The following ATP11A variants were observed in gnomAD, a reference collection of about 807,000 sequenced individuals.
The protein encoded by ATP11A is phospholipid-transporting ATPase IH.
ATP11A carries 81 observed loss-of-function variants against 154.4 expected under a neutral mutation model. That is an observed-to-expected ratio of 0.52 (90% CI 0.44 to 0.63). ATP11A has a LOEUF of 0.63. Among genes scored for constraint, ATP11A ranks in the 30% least tolerant of loss-of-function variants. The pLI, the probability that ATP11A is intolerant of heterozygous loss-of-function variation, is 0.00. For missense variants in ATP11A, 1,316 were observed against 1,474.3 expected, an observed-to-expected ratio of 0.89 and a Z score of 1.76; for synonymous variants, 623 against 585.9, an observed-to-expected ratio of 1.06 and a Z score of -0.91.
intron 16 of ATP11A, 54 bp from the exon 17 acceptor site, chr13:112,842,219 AAAT>A: frequency 2.2e-6 from 3 of 1,367,098 alleles, no homozygotes; most frequent in Non-Finnish European, 3.1e-6. Context: ...TAATTTTAAA[AAAT>A]AATCTAGTCT....
intron 27 of ATP11A, among the ~76,000 whole-genome samples, chr13:112,874,750 GTCAGGCACCCTGT>G: frequency 6.6e-6 from 1 of 152,250 alleles, no homozygotes; most frequent in Non-Finnish European, 1.5e-5. Flanking sequence ...CTTGGAGGGT[GTCAGGCACCCTGT>G]CAGCCCCAGA....
chr13:112,725,188 G>T (rs1387745321), intron 1 of ATP11A, among the ~76,000 whole-genome samples: 1 of 152,200 alleles, frequency 6.6e-6, no homozygotes, highest in African/African-American at 2.4e-5. Flanking sequence ...GCTGACTCAG[G>T]CTCGGGCTGG....
chr13:112,820,080 C>A, intron 8 of ATP11A, 130 bp downstream of exon 8: 2 of 867,100 alleles, frequency 2.3e-6, no homozygotes, highest in Non-Finnish European at 3.4e-6. Flanking sequence ...CGCTTTCCCA[C>A]AGGGCCGGGC....
At chr13:112,728,419 G>C (rs1052342304) in intron 1 of ATP11A, among the ~76,000 whole-genome samples, 1 of 149,358 alleles carries the variant, frequency 6.7e-6, no homozygotes, top group Non-Finnish European at 1.5e-5. Context: ...TGTGTTACCT[G>C]TATGTACCAC....
At chr13:112,699,224 T>C (rs1380102857) in intron 1 of ATP11A, among the ~76,000 whole-genome samples, 1 of 152,260 alleles carries the variant, frequency 6.6e-6, no homozygotes, top group Non-Finnish European at 1.5e-5. Flanking sequence ...TCAGATGAGT[T>C]ATTCTCAAGG....
intron 1 of ATP11A, among the ~76,000 whole-genome samples, chr13:112,748,661 C>T (rs188162887): frequency 3.6e-4 from 55 of 152,274 alleles, no homozygotes; most frequent in Admixed American, 3.1e-3. Flanking sequence ...CCACCACGCC[C>T]GGCCTGAATG....
chr13:112,870,544 A>G (rs1421456746), intron 25 of ATP11A, among the ~76,000 whole-genome samples: 1 of 151,912 alleles, frequency 6.6e-6, no homozygotes, highest in African/African-American at 2.4e-5. Context: ...ACGCCCGGCT[A>G]ATGTTTGTAT....
intron 29 of ATP11A, 130 bp downstream of exon 29, chr13:112,878,433 C>T (rs996074109): frequency 3.9e-5 from 36 of 924,504 alleles, no homozygotes; most frequent in African/African-American, 1.6e-4. Flanking sequence ...AGCAGCCTCA[C>T]GTCGGGAAGT....
intron 5 of ATP11A, among the ~76,000 whole-genome samples, chr13:112,811,287 C>T (rs1468710858): frequency 6.6e-6 from 1 of 151,574 alleles, no homozygotes; most frequent in Non-Finnish European, 1.5e-5. Context: ...CACACACCCT[C>T]CCTCTGCCGG....
chr13:112,730,482 G>A (rs775012533), intron 1 of ATP11A, among the ~76,000 whole-genome samples: 1 of 152,188 alleles, frequency 6.6e-6, no homozygotes, highest in Non-Finnish European at 1.5e-5. Context: ...CTGCTGATGC[G>A]TGAATAACTC....
At chr13:112,836,800 T>A (rs1594127605) in intron 16 of ATP11A, among the ~76,000 whole-genome samples, 1 of 152,254 alleles carries the variant, frequency 6.6e-6, no homozygotes, top group Non-Finnish European at 1.5e-5. Context: ...GTCAGAGCCC[T>A]GTGGCCGCCA....
At chr13:112,845,726 A>C (rs1383179444) in intron 17 of ATP11A, among the ~76,000 whole-genome samples, 1 of 123,626 alleles carries the variant, frequency 8.1e-6, no homozygotes, top group African/African-American at 3.8e-5. Context: ...TAACCAGTCC[A>C]GTTACCAGGC....
chr13:112,753,235 G>T lies in ATP11A; in HGVS notation c.40-31900G>T, dbSNP rs183891027. 2.3e-3 allele frequency among the ~76,000 whole-genome samples: 350 copies of T among 152,196 alleles called. 1 individual carries two copies. Among genetic ancestry groups the T allele is most frequent in the Non-Finnish European group, 4.1e-3 (276 of 68,006 alleles). On this transcript the variant is annotated intron_variant, in intron 1 of 29. Transcript: ENST00000375645. The surrounding 1 kb of genome is among the most constrained non-coding windows in gnomAD (Gnocchi z 4.1). ...TTCCCCTGTGGACTCAACCTCCCCC[G>T]CCCCTGGCCGCCCCACATCATGGAC...
At chr13:112,722,779 G>A (rs947188723) in intron 1 of ATP11A, among the ~76,000 whole-genome samples, 1 of 152,250 alleles carries the variant, frequency 6.6e-6, no homozygotes, top group Non-Finnish European at 1.5e-5. Flanking sequence ...CATCGAGGAA[G>A]TGGTCCAAGG....
At chr13:112,694,055 A>G (rs547323082) in intron 1 of ATP11A, among the ~76,000 whole-genome samples, 39 of 152,184 alleles carry the variant, frequency 2.6e-4, no homozygotes, top group Non-Finnish European at 5.1e-4. Context: ...TTAAGTTCCG[A>G]GAGGAACCAG....
Position 112,882,327 on chromosome 13 carries a change from C to T in ATP11A, c.*461C>T, listed in dbSNP as rs2080905485. ...ACCCACCTGCCATCATTGGCCTTTGCTGTCACTGGGAGAGAAGAGCCGTCC... is the reference window on the plus strand; with the variant it reads ...ACCCACCTGCCATCATTGGCCTTTGTTGTCACTGGGAGAGAAGAGCCGTCC... On this transcript the variant is annotated 3_prime_UTR_variant, in exon 30 of 30. Transcript: ENST00000375645. The surrounding 1 kb of genome is among the most constrained non-coding windows in gnomAD (Gnocchi z 5.1). 7.9e-6 allele frequency: 3 copies of T among 380,832 alleles called. No individual in the cohort carries two copies. Among genetic ancestry groups the T allele is most frequent in the Non-Finnish European group, 1.5e-5 (3 of 203,832 alleles). The allele number at this position is 380,832 out of a possible 1,614,324, so 23.6% of individuals were successfully genotyped here. A position where few individuals can be genotyped will look rare whatever the true frequency, so the allele number is the denominator to read the frequency against.
intron 8 of ATP11A, among the ~76,000 whole-genome samples, chr13:112,822,491 G>A (rs2078824334): frequency 6.6e-6 from 1 of 152,126 alleles, no homozygotes; most frequent in Non-Finnish European, 1.5e-5. Flanking sequence ...GCTTTGCAGT[G>A]TGGCTACCAG....
chr13:112,875,904 G>T lies in ATP11A; in HGVS notation c.3290G>T (p.Cys1097Phe). The T allele has an allele frequency of 1.2e-6, 2 of 1,613,098 alleles. No individual in the cohort carries two copies. The highest frequency in any genetic ancestry group is 8.5e-7 in the Non-Finnish European group (1 of 1,180,040). ...CCCGACGTCCTCAAGAAAGTCCTGT[G>T]CCGGCAGCTGTGGCCAACAGCAACA... ...LLPDVLKKVL[C>F]RQLWPTATER... The change falls in exon 28 of 30, where the codon TGC becomes TTC. Residue 1097 changes from cysteine to phenylalanine, a missense_variant. Cys to Phe is a radical substitution (Grantham distance 205). Transcript: ENST00000375645. The surrounding 1 kb of genome is among the most constrained non-coding windows in gnomAD (Gnocchi z 4.1).
At position 112,870,667 on chromosome 13, in the gene ATP11A, A is replaced by G. The variant is rs566539410; in HGVS notation, c.2992-1068A>G. On this transcript the variant is annotated intron_variant, in intron 25 of 29. Transcript: ENST00000375645. Reference sequence around the variant, plus strand: ...GCTGGGATTACAGGCATGAGCCACCACACCCGGCCCGCTTTTTAATTCTTT... The same window carrying G: ...GCTGGGATTACAGGCATGAGCCACCGCACCCGGCCCGCTTTTTAATTCTTT... Among the ~76,000 whole-genome samples, 8 of 152,294 alleles carry G rather than the reference A, an allele frequency of 5.3e-5. No homozygotes were observed. In the East Asian group the frequency reaches 9.6e-4, roughly 18 times the overall value.
Sources: allele counts gnomAD v4.1 joint callset (sites outside exome capture counted in the v4.1 genomes callset), GRCh38; gene constraint gnomAD v4.1.1; non-coding constraint Gnocchi (gnomAD v3.1); transcripts MANE v1.5; gene names NCBI Gene and HGNC (gene_info 2026-07-23, HGNC 2026-07-21).